Variants in GRIP1 observed in about 807,000 individuals in gnomAD.
GRIP1 encodes the protein glutamate receptor interacting protein 1, also known as glutamate receptor-interacting protein 1.
Under a neutral mutation model 129.9 loss-of-function variants are expected in GRIP1, and 45 were observed. The observed-to-expected ratio is 0.35, with a 90% CI of 0.27 to 0.44. The LOEUF is 0.44. GRIP1 is among the 20% of genes least tolerant of loss of function. The probability of loss-of-function intolerance (pLI) is 1.00; values close to 1 mark genes in which losing one functional copy is unlikely to be tolerated. For missense variants in GRIP1, 1,196 were observed against 1,396.8 expected (o/e 0.86, Z 2.29); for synonymous variants, 530 against 520.8 (o/e 1.02, Z -0.24).
At chr12:66,669,715 T>C (rs988686975) in intron 1 of GRIP1, among the ~76,000 whole-genome samples, 8 of 152,200 alleles carry the variant, frequency 5.3e-5, no homozygotes, top group Non-Finnish European at 1.2e-4. Flanking sequence ...TCAATGTCTC[T>C]GGTGTAAATA....
chr12:66,464,572 A>G (rs2059227881), intron 8 of GRIP1, among the ~76,000 whole-genome samples: 1 of 152,192 alleles, frequency 6.6e-6, no homozygotes. Context: ...AAAACCCATC[A>G]CTGCTCTGCA....
At chr12:66,498,226 A>G (rs541784053) in intron 7 of GRIP1, among the ~76,000 whole-genome samples, 53 of 152,304 alleles carry the variant, frequency 3.5e-4, no homozygotes, top group Non-Finnish European at 6.2e-4. Context: ...GACGCGCATG[A>G]AAGTGTAAGG....
At chr12:66,915,695 G>A (rs1334127157) in intron 1 of GRIP1, among the ~76,000 whole-genome samples, 2 of 152,206 alleles carry the variant, frequency 1.3e-5, no homozygotes, top group Admixed American at 6.5e-5. Context: ...CCTATGTCTT[G>A]TATGCTGGGC....
intron 1 of GRIP1, among the ~76,000 whole-genome samples, chr12:67,021,925 T>A (rs555043737): frequency 6.6e-6 from 1 of 152,316 alleles, no homozygotes; most frequent in African/African-American, 2.4e-5. Flanking sequence ...TGGTCCTGGC[T>A]TATTTCACTC....
At chr12:66,930,081 A>T (rs1237907922) in intron 1 of GRIP1, among the ~76,000 whole-genome samples, 1 of 133,982 alleles carries the variant, frequency 7.5e-6, no homozygotes. Flanking sequence ...ACGTCAATGC[A>T]TACTTTCTTT....
At chr12:66,649,832 T>C (rs540251535) in intron 1 of GRIP1, among the ~76,000 whole-genome samples, 2 of 152,322 alleles carry the variant, frequency 1.3e-5, no homozygotes, top group Admixed American at 6.5e-5. Context: ...CACACACATA[T>C]GGATGTAGGA....
At position 66,406,432 on chromosome 12, in the gene GRIP1, T is replaced by C. The variant is rs1311664717; in HGVS notation, c.1839-4A>G. On this transcript the variant is annotated splice_region_variant and splice_polypyrimidine_tract_variant and intron_variant, in intron 15 of 24. Transcript: ENST00000359742. The stretch of plus-strand genomic sequence containing the variant: ...CCCAAGTTCCAGGGTCCCAGTTCTG[T>C]TAGTGAATGCAAAGTAACACATGAC... The C allele has an allele frequency of 1.2e-5, 20 of 1,613,772 alleles. No homozygotes were observed. Among genetic ancestry groups the C allele is most frequent in the Non-Finnish European group, 1.5e-5 (18 of 1,179,810 alleles).
At chr12:66,982,735 T>C (rs954547171) in intron 1 of GRIP1, among the ~76,000 whole-genome samples, 1 of 152,184 alleles carries the variant, frequency 6.6e-6, no homozygotes, top group Non-Finnish European at 1.5e-5. Context: ...CCCCAACTGA[T>C]GCCCCGATTG....
chr12:66,970,094 T>C (rs2042050919), intron 1 of GRIP1, among the ~76,000 whole-genome samples: 1 of 152,176 alleles, frequency 6.6e-6, no homozygotes, highest in African/African-American at 2.4e-5. Flanking sequence ...GCATGCTTTG[T>C]TGAGACAGGG....
chr12:66,894,121 C>G, intron 1 of GRIP1, among the ~76,000 whole-genome samples: 1 of 152,166 alleles, frequency 6.6e-6, no homozygotes, highest in Non-Finnish European at 1.5e-5. Context: ...TAAGGTCCAG[C>G]CTTTCAACTA....
At chr12:66,468,267 G>A (rs1224887791) in intron 7 of GRIP1, among the ~76,000 whole-genome samples, 1 of 152,184 alleles carries the variant, frequency 6.6e-6, no homozygotes, top group Non-Finnish European at 1.5e-5. Flanking sequence ...CTCAGAACTG[G>A]TAAGCCATCT....
chr12:66,758,676 G>A (rs2037376024), intron 1 of GRIP1, among the ~76,000 whole-genome samples: 1 of 152,184 alleles, frequency 6.6e-6, no homozygotes, highest in South Asian at 2.1e-4. Context: ...TACAATGGAG[G>A]TACAGGTACT....
At chr12:66,391,017 A>AT (rs934683632) in intron 19 of GRIP1, among the ~76,000 whole-genome samples, 28 of 151,438 alleles carry the variant, frequency 1.8e-4, no homozygotes, top group South Asian at 4.2e-4. Context: ...ATCTCCTTTC[A>AT]TTTTTTTTTC....
At chr12:66,804,641 G>A (rs1230048164), upstream of GRIP1, among the ~76,000 whole-genome samples, 3 of 152,128 alleles carry the variant, frequency 2.0e-5, no homozygotes, top group Non-Finnish European at 2.9e-5. Context: ...GGAGAAGGGA[G>A]GGCCGGGGAA....
intron 23 of GRIP1, among the ~76,000 whole-genome samples, chr12:66,362,142 CTT>C (rs10589880): frequency 0.37 from 33,963 of 90,594 alleles, 5,902 homozygotes; most frequent in East Asian, 0.43. Flanking sequence ...CCAATTTAAT[CTT>C]TTTTTTTTTT....
chr12:66,865,821 A>G (rs752467357), intron 1 of GRIP1, among the ~76,000 whole-genome samples: 2 of 152,080 alleles, frequency 1.3e-5, no homozygotes, highest in African/African-American at 2.4e-5. Context: ...ATATTTTTAG[A>G]TTATCTCTCT....
In GRIP1 at chr12:66,812,477, T is replaced by C. The variant is rs912746200; in HGVS notation, c.59-215550A>G. Among the ~76,000 whole-genome samples the C allele has an allele frequency of 1.2e-4, 19 of 152,326 alleles. 1 individual carries two copies. The highest frequency in any genetic ancestry group is 1.1e-3 in the Admixed American group (17 of 15,294). ...ATTGAGCATTTATCTGGTTCATTCG[T>C]CTGTTTGTTCATTTATTTACTCAAT... On this transcript the variant is annotated intron_variant, in intron 1 of 1. Coordinates refer to the GRIP1 transcript ENST00000643019.
chr12:66,715,025 A>T lies in GRIP1; in HGVS notation c.-419-84689T>A, dbSNP rs1234154837. On this transcript the variant is annotated intron_variant, in intron 1 of 4. Transcript: ENST00000538373. ...ATTGTACTCCATAACACTCTCTTACAACTCCCTTCTCCTTCCTATGCCCAC... is the reference window on the plus strand; with the variant it reads ...ATTGTACTCCATAACACTCTCTTACTACTCCCTTCTCCTTCCTATGCCCAC... Among the ~76,000 whole-genome samples, 4 of 151,884 alleles carry T rather than the reference A, an allele frequency of 2.6e-5. No homozygotes were observed. The East Asian group carries it at 5.8e-4, about 22-fold the overall frequency.
intron 1 of GRIP1, among the ~76,000 whole-genome samples, chr12:66,707,363 TA>T (rs1207914574): frequency 2.0e-5 from 3 of 151,894 alleles, no homozygotes; most frequent in African/African-American, 7.3e-5. Context: ...GGTTAAAACA[TA>T]CCATGTAAGT....
Sources: gnomAD v4.1 joint callset for allele counts (sites outside exome capture counted in the v4.1 genomes callset) on GRCh38, gnomAD v4.1.1 for gene constraint, MANE v1.5 for transcripts, NCBI Gene and HGNC (gene_info 2026-07-23, HGNC 2026-07-21) for gene names.